ARHGAP39: variants seen among roughly 807,000 people sequenced by gnomAD.
The protein encoded by ARHGAP39 is Rho GTPase activating protein 39.
ARHGAP39 carries 44 observed loss-of-function variants against 106.9 expected under a neutral mutation model. The ratio of observed to expected loss-of-function variants is 0.41; its 90% CI spans 0.32 to 0.53. The LOEUF is 0.53. Ranked by LOEUF, ARHGAP39 falls within the 20% of genes least tolerant of loss-of-function variation. The probability of loss-of-function intolerance (pLI) is 0.21; values close to 1 mark genes in which losing one functional copy is unlikely to be tolerated. For synonymous variants in ARHGAP39, 768 were observed against 693.2 expected, an observed-to-expected ratio of 1.11 and a Z score of -1.69; for missense variants, 1,496 against 1,577.3, an observed-to-expected ratio of 0.95 and a Z score of 0.87.
At chr8:144,651,644 T>A (rs1334363038) in intron 1 of ARHGAP39, among the ~76,000 whole-genome samples, 3 of 151,834 alleles carry the variant, frequency 2.0e-5, no homozygotes, top group Non-Finnish European at 2.9e-5. Context: ...GAGGAGGAGG[T>A]TGCAGTGATC....
chr8:144,693,352 C>A, the ARHGAP39 span, among the ~76,000 whole-genome samples: 15 of 148,492 alleles, frequency 1.0e-4, no homozygotes, highest in Admixed American at 2.7e-4. Context: ...CGTGAGCCAC[C>A]GCGCCCGGCA....
intron 2 of ARHGAP39, among the ~76,000 whole-genome samples, chr8:144,598,970 TGAACAGTAATACACG>T (rs1819737026): frequency 6.6e-6 from 1 of 152,058 alleles, no homozygotes; most frequent in Non-Finnish European, 1.5e-5. Flanking sequence ...ATTCACAAAG[TGAACAGTAATACACG>T]GAGGGTAACT....
intron 3 of ARHGAP39, among the ~76,000 whole-genome samples, chr8:144,574,542 C>T (rs1222641075): frequency 2.6e-5 from 4 of 152,020 alleles, no homozygotes; most frequent in Non-Finnish European, 4.4e-5. Context: ...GGTGTGGTGG[C>T]GGGCACCTGT....
chr8:144,594,619 G>A (rs941297946), intron 2 of ARHGAP39, among the ~76,000 whole-genome samples: 12 of 151,972 alleles, frequency 7.9e-5, no homozygotes, highest in Admixed American at 7.9e-4. Flanking sequence ...GCTCGAACCC[G>A]GGAGGCGGAT....
intron 1 of ARHGAP39, among the ~76,000 whole-genome samples, chr8:144,619,912 G>C (rs1013819668): frequency 1.3e-5 from 2 of 149,408 alleles, no homozygotes; most frequent in Non-Finnish European, 1.5e-5. Context: ...GAGAGCGTGT[G>C]TGCCCGTGTG....
At chr8:144,638,063 G>A (rs1427850668) in intron 1 of ARHGAP39, among the ~76,000 whole-genome samples, 1 of 151,968 alleles carries the variant, frequency 6.6e-6, no homozygotes, top group East Asian at 1.9e-4. Context: ...TTTAATGATG[G>A]TCTGTTGGTA....
At chr8:144,669,123 C>A (rs1401546476) in intron 1 of ARHGAP39, among the ~76,000 whole-genome samples, 1 of 150,580 alleles carries the variant, frequency 6.6e-6, no homozygotes, top group Admixed American at 6.7e-5. Flanking sequence ...AAAAGCAAAG[C>A]AGGACCTTAC....
At chr8:144,633,162 T>C (rs1160216390) in intron 1 of ARHGAP39, among the ~76,000 whole-genome samples, 1 of 151,416 alleles carries the variant, frequency 6.6e-6, no homozygotes, top group Non-Finnish European at 1.5e-5. Context: ...TTTGTTTGTT[T>C]GTTTTTAAAA....
chr8:144,595,354 T>A (rs995856707), intron 2 of ARHGAP39, among the ~76,000 whole-genome samples: 2 of 152,154 alleles, frequency 1.3e-5, no homozygotes, highest in Admixed American at 1.3e-4. Flanking sequence ...TTCCACGTAC[T>A]TCAATCGTCT....
At chr8:144,602,248 T>G in intron 2 of ARHGAP39, among the ~76,000 whole-genome samples, 1 of 121,550 alleles carries the variant, frequency 8.2e-6, no homozygotes, top group African/African-American at 3.3e-5. Flanking sequence ...CGTGGAGGTG[T>G]GTGTGTGAGC....
chr8:144,531,215 A>G (rs574153310), intron 10 of ARHGAP39, among the ~76,000 whole-genome samples: 8,315 of 126,222 alleles, frequency 0.066, 1,569 homozygotes, highest in African/African-American at 0.33. Flanking sequence ...GGAGTGGGCT[A>G]GACATAGCAG....
chr8:144,636,381 AGTTTG>A, intron 1 of ARHGAP39, among the ~76,000 whole-genome samples: 1 of 152,166 alleles, frequency 6.6e-6, no homozygotes, highest in Non-Finnish European at 1.5e-5. Context: ...TGCCTGGGTT[AGTTTG>A]TTTTGTTTTT....
At chr8:144,621,496 G>A (rs1820806031) in intron 1 of ARHGAP39, among the ~76,000 whole-genome samples, 1 of 152,212 alleles carries the variant, frequency 6.6e-6, no homozygotes, top group Non-Finnish European at 1.5e-5. Flanking sequence ...AGGCGGGAAG[G>A]GCTGGGGGGC....
intron 6 of ARHGAP39, among the ~76,000 whole-genome samples, chr8:144,540,477 T>C (rs1201224953): frequency 6.6e-6 from 1 of 152,208 alleles, no homozygotes; most frequent in Non-Finnish European, 1.5e-5. Context: ...TATTTTAAAA[T>C]ATCAGCTTCT....
intron 1 of ARHGAP39, among the ~76,000 whole-genome samples, chr8:144,621,830 A>AT: frequency 6.6e-6 from 1 of 152,316 alleles, no homozygotes; most frequent in South Asian, 2.1e-4. Context: ...CAGAAATAAA[A>AT]TAAAACAAAA....
chr8:144,633,398 G>A (rs896183734), intron 1 of ARHGAP39, among the ~76,000 whole-genome samples: 4 of 152,110 alleles, frequency 2.6e-5, no homozygotes, highest in Admixed American at 1.3e-4. Context: ...GGCAGAGATT[G>A]CAGTGAGCTG....
intron 1 of ARHGAP39, among the ~76,000 whole-genome samples, chr8:144,607,739 C>T (rs550819467): frequency 3.4e-4 from 52 of 152,330 alleles, no homozygotes; most frequent in Non-Finnish European, 7.1e-4. Flanking sequence ...ACAAATCCTA[C>T]CTACACTCAC....
intron 2 of ARHGAP39, among the ~76,000 whole-genome samples, chr8:144,596,356 AC>A (rs1819623353): frequency 1.4e-5 from 2 of 140,384 alleles, no homozygotes; most frequent in South Asian, 4.7e-4. Context: ...GCTGTCCACC[AC>A]CCCTCAGTGG....
intron 3 of ARHGAP39, among the ~76,000 whole-genome samples, chr8:144,565,343 C>T (rs1323787545): frequency 6.6e-6 from 1 of 152,036 alleles, no homozygotes; most frequent in African/African-American, 2.4e-5. Flanking sequence ...AGCACAACAA[C>T]AGAAATGATC....
Sources: gnomAD v4.1 joint callset for allele counts (sites outside exome capture counted in the v4.1 genomes callset) on GRCh38, gnomAD v4.1.1 for gene constraint, MANE v1.5 for transcripts, NCBI Gene and HGNC (gene_info 2026-07-23, HGNC 2026-07-21) for gene names.